Variants in ZSCAN5A observed in about 807,000 individuals in gnomAD.
The protein encoded by ZSCAN5A is zinc finger and SCAN domain containing 5A.
Under a neutral mutation model 23.7 loss-of-function variants are expected in ZSCAN5A, and 12 were observed. That is an observed-to-expected ratio of 0.51 (90% CI 0.32 to 0.82). The LOEUF is 0.82. ZSCAN5A is among the 40% of genes least tolerant of loss of function. ZSCAN5A has a pLI of 0.03. For missense variants in ZSCAN5A, 597 were observed against 617.9 expected (o/e 0.97, Z 0.36); for synonymous variants, 257 against 239.9 (o/e 1.07, Z -0.66).
chr19:56,322,455 C>G, intron 2 of ZSCAN5A: 1 of 553,792 alleles, frequency 1.8e-6, no homozygotes, highest in Non-Finnish European at 3.2e-6. Context: ...GCTCAGAGCC[C>G]TCGCCTGGCT....
intron 2 of ZSCAN5A, among the ~76,000 whole-genome samples, chr19:56,269,757 G>T (rs780242188): frequency 2.6e-5 from 4 of 152,246 alleles, no homozygotes; most frequent in African/African-American, 7.2e-5. Flanking sequence ...AGGCCGACCA[G>T]GAGTCAGGAA....
intron 2 of ZSCAN5A, among the ~76,000 whole-genome samples, chr19:56,346,701 CTTTT>C (rs879461789): frequency 1.3e-5 from 2 of 151,184 alleles, no homozygotes; most frequent in African/African-American, 4.9e-5. Context: ...CTCTCTATTA[CTTTT>C]TTTTATTTTT....
At chr19:56,223,868 T>G (rs368101457) in intron 3 of ZSCAN5A, 34 bp from the exon 4 acceptor site, 8 of 1,581,008 alleles carry the variant, frequency 5.1e-6, no homozygotes, top group African/African-American at 2.7e-5. Context: ...AGACTCACCA[T>G]GAGAACCTGA....
In ZSCAN5A at chr19:56,322,869, A is replaced by G. The variant is rs116799525; in HGVS notation, c.-357-6601T>C. ...GTTGTTAGACTCTCTTGGTTTTTAA[A>G]TTAGTATTATTTTTATTGGTTTCTT... On this transcript the variant is annotated intron_variant, in intron 2 of 6. Transcript: ENST00000587340. Among the ~76,000 whole-genome samples, 823 of 150,426 alleles carry G rather than the reference A, an allele frequency of 5.5e-3. 8 individuals carry two copies. Among genetic ancestry groups the G allele is most frequent in the African/African-American group, 0.016 (664 of 41,048 alleles).
chr19:56,345,963 A>G (rs2041629092), intron 2 of ZSCAN5A, among the ~76,000 whole-genome samples: 1 of 152,202 alleles, frequency 6.6e-6, no homozygotes, highest in Admixed American at 6.5e-5. Context: ...TTGGGGTTTG[A>G]TAAGGAAAAA....
chr19:56,367,356 T>C (rs1270451159), intron 1 of ZSCAN5A: 2 of 152,192 alleles, frequency 1.3e-5, no homozygotes, highest in Admixed American at 1.3e-4. Context: ...AGTGAGATGC[T>C]GTTTCTTAAC....
rs548576094 is a variant in ZSCAN5A at position 56,351,697 on chromosome 19, G to A, written c.-358+11538C>T. On this transcript the variant is annotated intron_variant, in intron 2 of 6. Coordinates refer to the ZSCAN5A transcript ENST00000587340. This position sits in a 1 kb window ranked among gnomAD's most constrained non-coding sequence, Gnocchi z 4.8. ...CACCAGACCAAAAAGCCTGGTAATC[G>A]TCCAGTCATCGGAGCTGTATCAAAA... is the stretch of plus-strand genomic sequence containing the variant. 3.9e-5 allele frequency among the ~76,000 whole-genome samples: 6 copies of A among 152,202 alleles called. No homozygotes were observed. Among genetic ancestry groups the A allele is most frequent in the African/African-American group, 1.4e-4 (6 of 41,508 alleles).
chr19:56,303,519 A>AGGGAGGGAGGGAGGCAAGAC (rs2040485292), intron 2 of ZSCAN5A, among the ~76,000 whole-genome samples: 1 of 129,998 alleles, frequency 7.7e-6, no homozygotes, highest in Non-Finnish European at 1.6e-5. Flanking sequence ...GAAAGGAGGG[A>AGGGAGGGAGGGAGGCAAGAC]GGGAGGGAGG....
intron 2 of ZSCAN5A, among the ~76,000 whole-genome samples, chr19:56,256,877 T>C (rs780789438): frequency 4.6e-5 from 7 of 151,884 alleles, no homozygotes; most frequent in Non-Finnish European, 7.4e-5. Context: ...TGTTTTGCGA[T>C]GGATTATCTG....
intron 2 of ZSCAN5A, among the ~76,000 whole-genome samples, chr19:56,254,950 T>C (rs1002241091): frequency 6.6e-5 from 10 of 152,176 alleles, no homozygotes; most frequent in African/African-American, 2.4e-4. Flanking sequence ...TTTTCAGATA[T>C]GTAATGTGCG....
At chr19:56,355,420 A>ATT (rs2041695097) in intron 2 of ZSCAN5A, among the ~76,000 whole-genome samples, 1 of 148,610 alleles carries the variant, frequency 6.7e-6, no homozygotes, top group Non-Finnish European at 1.5e-5. Context: ...AGGTTCATTT[A>ATT]TTTTACTGTA....
intron 2 of ZSCAN5A, among the ~76,000 whole-genome samples, chr19:56,295,313 G>C (rs1444329249): frequency 6.6e-6 from 1 of 152,110 alleles, no homozygotes; most frequent in East Asian, 1.9e-4. Context: ...TGGAAAAAAG[G>C]CCTGGCATGG....
At chr19:56,315,245 C>CT (rs1233390868), upstream of ZSCAN5A, 1 of 152,208 alleles carries the variant, frequency 6.6e-6, no homozygotes, top group Non-Finnish European at 1.5e-5. Flanking sequence ...ACATGGCCTT[C>CT]TTTAAAGGAC....
rs185302471 is a variant in ZSCAN5A, at chr19:56,302,397, A to G, written c.-128+10886T>C. Among the ~76,000 whole-genome samples the G allele has an allele frequency of 5.8e-3, 565 of 98,054 alleles. 18 individuals carry two copies. The East Asian group carries it at 0.14, about 24-fold the overall frequency. The allele number at this position is 98,054 out of a possible 152,430, so 64.3% of individuals were successfully genotyped here. A position where few individuals can be genotyped will look rare whatever the true frequency, so the allele number is the denominator to read the frequency against. ...TCCTCCTTCTCTCTCCTCCCTCCCT[A>G]TTCTTTCCTCCTCCCTTCATCCCTC... is the stretch of plus-strand genomic sequence containing the variant. On this transcript the variant is annotated intron_variant, in intron 2 of 5. Coordinates refer to ENST00000683990, the MANE Select transcript of ZSCAN5A (RefSeq NM_001322064.3).
At chr19:56,298,083 A>T (rs2039994996) in intron 2 of ZSCAN5A, 1 of 151,600 alleles carries the variant, frequency 6.6e-6, no homozygotes, top group South Asian at 2.1e-4. Context: ...AAAAAAAAAA[A>T]GCCAGAACAA....
chr19:56,250,614 AG>A (rs2036267720), intron 2 of ZSCAN5A, among the ~76,000 whole-genome samples: 1 of 152,162 alleles, frequency 6.6e-6, no homozygotes, highest in Non-Finnish European at 1.5e-5. Context: ...TTACTGCTCA[AG>A]TCAGCATCTT....
Position 56,221,885 on chromosome 19 carries a change from A to G in ZSCAN5A, c.1181T>C (p.Met394Thr). The change falls in exon 6 of 6, where the codon ATG (methionine) becomes ACG (threonine). Residue 394 changes from methionine to threonine, a missense_variant. Around this residue, in one of 5 missense-constraint regions of ZSCAN5A, gnomAD observed 406 missense variants for 353.2 expected, o/e 1.15. Transcript: ENST00000683990. ...FQCNLCGKRF[M>T]QLISLQFHQR... The stretch of plus-strand genomic sequence containing the variant: ...GTGAAATTGGAGGCTAATAAGCTGC[A>G]TGAAGCGCTTCCCACAGAGATTACA... 1 of 1,614,206 alleles carries G rather than the reference A, an allele frequency of 6.2e-7. No homozygotes were observed. Among genetic ancestry groups the G allele is most frequent in the Non-Finnish European group, 8.5e-7 (1 of 1,180,032 alleles).
At chr19:56,323,169 C>G (rs2041395772) in intron 2 of ZSCAN5A, among the ~76,000 whole-genome samples, 2 of 152,120 alleles carry the variant, frequency 1.3e-5, no homozygotes, top group African/African-American at 4.8e-5. Flanking sequence ...GCTGGGATTA[C>G]AGGCGTGAGC....
At chr19:56,342,550 C>T in intron 2 of ZSCAN5A, 1 of 340,014 alleles carries the variant, frequency 2.9e-6, no homozygotes, top group East Asian at 7.0e-5. Context: ...ACTTTATCAG[C>T]CAAGGTGAAT....
Sources: allele counts gnomAD v4.1 joint callset (sites outside exome capture counted in the v4.1 genomes callset), GRCh38; gene constraint gnomAD v4.1.1; regional missense constraint gnomAD v4.1.1; non-coding constraint Gnocchi (gnomAD v3.1); transcripts MANE v1.5; gene names NCBI Gene and HGNC (gene_info 2026-07-23, HGNC 2026-07-21).